The following PCDHGA6 variants were observed in gnomAD, a reference collection of about 807,000 sequenced individuals.
PCDHGA6 encodes the protein protocadherin gamma-A6.
A neutral mutation model predicts 60.6 loss-of-function variants in PCDHGA6; 41 were observed. That is an observed-to-expected ratio of 0.68 (90% CI 0.53 to 0.88). The LOEUF is 0.88. Ranked by LOEUF, PCDHGA6 falls within the 40% of genes least tolerant of loss-of-function variation. The pLI is 0.00. For missense variants in PCDHGA6, 1,312 were observed against 1,203.0 expected, an observed-to-expected ratio of 1.09 and a Z score of -1.34; for synonymous variants, 594 against 524.4, an observed-to-expected ratio of 1.13 and a Z score of -1.81.
intron 1 of PCDHGA6, among the ~76,000 whole-genome samples, chr5:141,437,434 G>T (rs183505868): frequency 2.6e-5 from 4 of 152,194 alleles, no homozygotes; most frequent in East Asian, 3.8e-4. Context: ...AGCAGCAATA[G>T]CATAGGAATG....
chr5:141,397,573 T>C (rs1196804839), intron 1 of PCDHGA6, among the ~76,000 whole-genome samples: 1 of 152,212 alleles, frequency 6.6e-6, no homozygotes, highest in African/African-American at 2.4e-5. Flanking sequence ...GAGCAAGAAC[T>C]GTATCATATT....
At chr5:141,393,275 C>T (rs769641711) in intron 1 of PCDHGA6, 4 of 1,613,828 alleles carry the variant, frequency 2.5e-6, no homozygotes, top group East Asian at 4.5e-5. Context: ...GTTATCCACT[C>T]CCAGAAGCTG....
intron 1 of PCDHGA6, among the ~76,000 whole-genome samples, chr5:141,407,218 G>A (rs1056826116): frequency 1.3e-5 from 2 of 152,108 alleles, no homozygotes; most frequent in Admixed American, 6.5e-5. Flanking sequence ...CCTTAAGTGG[G>A]TAGCAAAAAA....
At chr5:141,390,754 T>C (rs2092225927) in intron 1 of PCDHGA6, 1 of 168,266 alleles carries the variant, frequency 5.9e-6, no homozygotes, top group East Asian at 1.8e-4. Context: ...AGTCCACTGT[T>C]TTGTTTCCTG....
At chr5:141,401,657 G>T (rs1398256315) in intron 1 of PCDHGA6, among the ~76,000 whole-genome samples, 3 of 152,204 alleles carry the variant, frequency 2.0e-5, no homozygotes, top group Non-Finnish European at 4.4e-5. Context: ...ATGACTGGAT[G>T]TTTTCTCAAC....
chr5:141,464,273 A>G (rs1330533734), intron 1 of PCDHGA6, among the ~76,000 whole-genome samples: 1 of 136,736 alleles, frequency 7.3e-6, no homozygotes, highest in African/African-American at 3.0e-5. Context: ...TAAAAAAAAA[A>G]AAAAGCAAAA....
Position 141,374,035 on chromosome 5 carries a change from A to G in PCDHGA6, c.-49A>G. Reference sequence around the variant, plus strand: ...TCTGAGAAGAGCAAAAGTGATGCAGATCTGTTCTTCCTCTTCTTAATCCCA... The same window carrying G: ...TCTGAGAAGAGCAAAAGTGATGCAGGTCTGTTCTTCCTCTTCTTAATCCCA... On this transcript the variant is annotated 5_prime_UTR_variant, in exon 1 of 4. Coordinates refer to ENST00000517434, the MANE Select transcript of PCDHGA6 (RefSeq NM_018919.3). The G allele has an allele frequency of 6.9e-7, 1 of 1,444,760 alleles. No individual in the cohort carries two copies. Among genetic ancestry groups the G allele is most frequent in the Non-Finnish European group, 9.1e-7 (1 of 1,095,046 alleles). The allele number at this position is 1,444,760 out of a possible 1,614,324, so 89.5% of individuals were successfully genotyped here.
chr5:141,412,000 C>G (rs936679371), intron 1 of PCDHGA6: 4 of 151,788 alleles, frequency 2.6e-5, no homozygotes, highest in East Asian at 1.9e-4. Flanking sequence ...GGCATAGTGA[C>G]ATAAACACTT....
At chr5:141,393,406 G>A (rs762034418) in intron 1 of PCDHGA6, 1 of 1,614,026 alleles carries the variant, frequency 6.2e-7, no homozygotes, top group Admixed American at 1.7e-5. Flanking sequence ...GTGCTGGAGC[G>A]CGCCCTGGAC....
In PCDHGA6 at chr5:141,431,779, G is replaced by A; in HGVS notation, c.2424+55272G>A. 2 of 1,614,232 alleles carry A rather than the reference G, an allele frequency of 1.2e-6. No individual in the cohort carries two copies. Among genetic ancestry groups the A allele is most frequent in the Non-Finnish European group, 1.7e-6 (2 of 1,180,030 alleles). ...AAGTCCTGATCACTGTTCTGGACGT[G>A]AACGACAATGCCCCAGAAGTGGTCC... On this transcript the variant is annotated intron_variant, in intron 1 of 3. Transcript: ENST00000517434. This position sits in a 1 kb window ranked among gnomAD's most constrained non-coding sequence, Gnocchi z 4.8.
intron 1 of PCDHGA6, chr5:141,383,742 T>C: frequency 6.2e-7 from 1 of 1,613,986 alleles, no homozygotes; most frequent in Non-Finnish European, 8.5e-7. Flanking sequence ...CATATTCTTT[T>C]CGGAAAATAA....
chr5:141,377,400 G>A (rs1463331041), intron 1 of PCDHGA6: 1 of 152,108 alleles, frequency 6.6e-6, no homozygotes, highest in Non-Finnish European at 1.5e-5. Context: ...GAGACCAGGA[G>A]TTTGAGACCA....
intron 1 of PCDHGA6, among the ~76,000 whole-genome samples, chr5:141,456,866 G>A (rs2098893781): frequency 6.6e-6 from 1 of 152,170 alleles, no homozygotes; most frequent in African/African-American, 2.4e-5. Flanking sequence ...GGGAGGCTGA[G>A]GCAGGAGAAT....
intron 1 of PCDHGA6, among the ~76,000 whole-genome samples, chr5:141,443,859 GAA>G (rs2098408229): frequency 6.6e-6 from 1 of 152,104 alleles, no homozygotes; most frequent in Non-Finnish European, 1.5e-5. Context: ...TCTGAAAACT[GAA>G]AAAATTACTG....
At chr5:141,470,323 A>G (rs1029928511) in intron 1 of PCDHGA6, among the ~76,000 whole-genome samples, 1 of 152,188 alleles carries the variant, frequency 6.6e-6, no homozygotes, top group Non-Finnish European at 1.5e-5. Context: ...AAATGATCCC[A>G]TAATTTGACC....
rs373591066 is a variant in PCDHGA6, at chr5:141,404,487, G to A, written c.2424+27980G>A. On this transcript the variant is annotated intron_variant, in intron 1 of 3. Transcript: ENST00000517434. The stretch of plus-strand genomic sequence containing the variant: ...TATGTCTCTATTAACTCAGACACTG[G>A]TGTGCTGTATGCTCTGTGCTCCTTT... 6.8e-6 allele frequency: 11 copies of A among 1,613,722 alleles called. No homozygotes were observed. Among genetic ancestry groups the A allele is most frequent in the Admixed American group, 1.7e-5 (1 of 60,008 alleles).
chr5:141,376,835 C>T (rs537669685), intron 1 of PCDHGA6: 5 of 249,278 alleles, frequency 2.0e-5, no homozygotes, highest in Non-Finnish European at 3.8e-5. Flanking sequence ...TACAGGCGCC[C>T]GCCACCGCGC....
At chr5:141,414,422 G>T (rs369608304) in intron 1 of PCDHGA6, 1 of 1,613,866 alleles carries the variant, frequency 6.2e-7, no homozygotes, top group Non-Finnish European at 8.5e-7. Context: ...GCCCTTGACA[G>T]GGAACAGGTA....
At chr5:141,411,425 A>AC (rs971774943) in intron 1 of PCDHGA6, 58 of 150,512 alleles carry the variant, frequency 3.9e-4, no homozygotes, top group African/African-American at 1.4e-3. Flanking sequence ...AACAACAACA[A>AC]AAAAAAACAT....
Sources: allele counts gnomAD v4.1 joint callset (sites outside exome capture counted in the v4.1 genomes callset), GRCh38; gene constraint gnomAD v4.1.1; non-coding constraint Gnocchi (gnomAD v3.1); transcripts MANE v1.5; gene names NCBI Gene and HGNC (gene_info 2026-07-23, HGNC 2026-07-21).